The following CACNA1B variants were observed in gnomAD, a reference collection of about 807,000 sequenced individuals.
CACNA1B encodes voltage-dependent N-type calcium channel subunit alpha-1B.
A neutral mutation model predicts 247.2 loss-of-function variants in CACNA1B; 70 were observed. The ratio of observed to expected loss-of-function variants is 0.28; its 90% CI spans 0.23 to 0.35. The LOEUF (loss-of-function observed/expected upper bound fraction) is 0.35, where lower values mean the gene tolerates loss of function less well. CACNA1B is among the 10% of genes least tolerant of loss of function. The probability of loss-of-function intolerance (pLI) is 1.00; values close to 1 mark genes in which losing one functional copy is unlikely to be tolerated. For missense variants in CACNA1B, 2,367 were observed against 3,197.4 expected, an observed-to-expected ratio of 0.74 and a Z score of 6.26; for synonymous variants, 1,231 against 1,294.4, an observed-to-expected ratio of 0.95 and a Z score of 1.05.
intron 6 of CACNA1B, among the ~76,000 whole-genome samples, chr9:137,922,452 A>T (rs1421799498): frequency 6.6e-6 from 1 of 152,090 alleles, no homozygotes; most frequent in Non-Finnish European, 1.5e-5. Flanking sequence ...GCTGGGCCAG[A>T]TGTTGCTGGA....
rs1221280208 is a variant in CACNA1B at position 138,057,831 on chromosome 9, G to C, written c.4068G>C (p.Leu1356=). 14 of 1,610,288 alleles carry C rather than the reference G, an allele frequency of 8.7e-6. No individual in the cohort carries two copies. In the South Asian group the frequency reaches 1.4e-4, roughly 16 times the overall value. The change falls in exon 27 of 47, where the codon CTG becomes CTC. Residue 1356 remains leucine (L), a synonymous_variant. Transcript: ENST00000371372. The surrounding 1 kb of genome is among the most constrained non-coding windows in gnomAD (Gnocchi z 4.0). ...FHYDNVLWAL[L]TLFTVSTGEG... ...ACGACAATGTGCTCTGGGCTCTGCT[G>C]ACGCTGTTCACAGTGTCCACGGGAG... is the stretch of plus-strand genomic sequence containing the variant.
At chr9:138,117,843 G>T in intron 42 of CACNA1B, 103 bp from the exon 43 acceptor site, 1 of 900,488 alleles carries the variant, frequency 1.1e-6, no homozygotes, top group East Asian at 2.9e-5. Flanking sequence ...CCTGACCTCT[G>T]CTGCATGTGT....
intron 6 of CACNA1B, among the ~76,000 whole-genome samples, chr9:137,939,064 T>C (rs1269981713): frequency 6.6e-6 from 1 of 152,004 alleles, no homozygotes; most frequent in African/African-American, 2.4e-5. Flanking sequence ...AGCGAGATTC[T>C]GTCCTAAAAG....
intron 36 of CACNA1B, among the ~76,000 whole-genome samples, chr9:138,090,736 C>CAAAAAAAAAAAAAAAAAAA (rs1960850690): frequency 1.3e-4 from 6 of 46,248 alleles, no homozygotes; most frequent in South Asian, 8.1e-4. Flanking sequence ...AAAAAAAAAT[C>CAAAAAAAAAAAAAAAAAAA]AGATTAATAA....
At chr9:137,979,339 C>T (rs571472881) in intron 12 of CACNA1B, among the ~76,000 whole-genome samples, 36 of 152,264 alleles carry the variant, frequency 2.4e-4, no homozygotes, top group Middle Eastern at 6.8e-3. Context: ...GCTGGAACGC[C>T]GAGTTCCTGG....
At chr9:137,904,837 T>C (rs1204425869) in intron 3 of CACNA1B, among the ~76,000 whole-genome samples, 1 of 152,188 alleles carries the variant, frequency 6.6e-6, no homozygotes, top group Non-Finnish European at 1.5e-5. Flanking sequence ...TTCCTATTCA[T>C]GTCCTACTAT....
chr9:138,015,522 G>T (rs1439092793), intron 18 of CACNA1B, among the ~76,000 whole-genome samples: 1 of 146,818 alleles, frequency 6.8e-6, no homozygotes, highest in Non-Finnish European at 1.5e-5. Context: ...CCAGCACCTT[G>T]AGCTGCTGGG....
rs1182903093 is a variant in CACNA1B, at chr9:138,102,424, G to A, written c.5223-287G>A. Reference sequence around the variant, plus strand: ...ATGCAGCCCTTCCTCACCCCTCCATGTTCATTAGCTCAGACGCCACCCCCG... The same window carrying A: ...ATGCAGCCCTTCCTCACCCCTCCATATTCATTAGCTCAGACGCCACCCCCG... On this transcript the variant is annotated intron_variant, in intron 37 of 46. Transcript: ENST00000371372. The surrounding 1 kb of genome is among the most constrained non-coding windows in gnomAD (Gnocchi z 5.4). 6.6e-6 allele frequency among the ~76,000 whole-genome samples: 1 copy of A among 152,118 alleles called. No homozygotes were observed. Among genetic ancestry groups the A allele is most frequent in the Non-Finnish European group, 1.5e-5 (1 of 68,004 alleles).
intron 39 of CACNA1B, among the ~76,000 whole-genome samples, chr9:138,107,742 T>C (rs1362292669): frequency 6.6e-6 from 1 of 152,100 alleles, no homozygotes; most frequent in East Asian, 1.9e-4. Flanking sequence ...CCTAGCACTT[T>C]GGGAGGCCAA....
chr9:137,911,556 C>T (rs1323607505), intron 3 of CACNA1B, among the ~76,000 whole-genome samples: 6 of 152,220 alleles, frequency 3.9e-5, no homozygotes, highest in Non-Finnish European at 8.8e-5. Context: ...GCTGGAATTA[C>T]AGGCATGCGC....
At chr9:138,074,484 A>C (rs915810861) in intron 34 of CACNA1B, among the ~76,000 whole-genome samples, 14 of 152,100 alleles carry the variant, frequency 9.2e-5, no homozygotes, top group African/African-American at 3.1e-4. Flanking sequence ...CAAGTGATCC[A>C]CCTGCCTTGG....
chr9:138,088,539 A>G (rs566716072), intron 36 of CACNA1B, among the ~76,000 whole-genome samples: 1 of 152,304 alleles, frequency 6.6e-6, no homozygotes, highest in African/African-American at 2.4e-5. Flanking sequence ...ACACCAACAC[A>G]TTAGAAAACC....
Position 138,061,149 on chromosome 9 carries a change from T to C in CACNA1B, c.4668+1412T>C, listed in dbSNP as rs1959708391. On this transcript the variant is annotated intron_variant, in intron 31 of 46. Coordinates refer to ENST00000371372, the MANE Select transcript of CACNA1B (RefSeq NM_000718.4). ...GTGAAGCCCCTGATTCCCAGAATTA[T>C]GCAGTGGCAGCTCTGCCCTTCACAG... 2.6e-5 allele frequency among the ~76,000 whole-genome samples: 4 copies of C among 152,252 alleles called. No individual in the cohort carries two copies. The South Asian group carries it at 8.3e-4, about 32-fold the overall frequency.
rs181320205 is a variant in CACNA1B at position 137,919,339 on chromosome 9, C to T, written c.966+1908C>T. Among the ~76,000 whole-genome samples, 6 of 152,326 alleles carry T rather than the reference C, an allele frequency of 3.9e-5. No homozygotes were observed. In the East Asian group the frequency reaches 5.8e-4, roughly 15 times the overall value. ...GAAGAGGTTGAGGAGCAGGCAGTGA[C>T]GAGGTACAGGGTACTGGGAGGGCAA... On this transcript the variant is annotated intron_variant, in intron 6 of 46. Transcript: ENST00000371372. The surrounding 1 kb of genome is among the most constrained non-coding windows in gnomAD (Gnocchi z 4.6).
chr9:137,893,643 T>C (rs528447496), intron 3 of CACNA1B, among the ~76,000 whole-genome samples: 1 of 150,454 alleles, frequency 6.6e-6, no homozygotes, highest in Non-Finnish European at 1.5e-5. Flanking sequence ...AGAGTGAGAC[T>C]CTGTCTCAAA....
intron 39 of CACNA1B, among the ~76,000 whole-genome samples, chr9:138,110,044 A>C (rs955773573): frequency 1.3e-5 from 2 of 152,072 alleles, no homozygotes; most frequent in Non-Finnish European, 2.9e-5. Flanking sequence ...ACAGACCGAG[A>C]TTCCATCTCA....
At position 137,894,041 on chromosome 9, in the gene CACNA1B, C is replaced by T. The variant is rs56208208; in HGVS notation, c.530+11158C>T. Among the ~76,000 whole-genome samples the T allele has an allele frequency of 4.8e-3, 732 of 152,272 alleles. 9 individuals are homozygous for T. Among genetic ancestry groups the T allele is most frequent in the African/African-American group, 0.016 (672 of 41,544 alleles). ...ATACCTTTGGATTTGCCTTTTTCAC[C>T]CATTTGCTTCATGAAATACTATGAA... On this transcript the variant is annotated intron_variant, in intron 3 of 46. Coordinates refer to ENST00000371372, the MANE Select transcript of CACNA1B (RefSeq NM_000718.4).
intron 13 of CACNA1B, among the ~76,000 whole-genome samples, chr9:137,985,105 G>T (rs543333017): frequency 6.6e-6 from 1 of 152,212 alleles, no homozygotes; most frequent in Non-Finnish European, 1.5e-5. Flanking sequence ...CACTGAGCCC[G>T]TGCAGTGCCA....
At position 138,122,145 on chromosome 9, in the gene CACNA1B, CCT is replaced by C. The variant is rs1962125520; in HGVS notation, c.*149_*150del. 18 of 665,640 alleles carry C rather than the reference CCT, an allele frequency of 2.7e-5. No individual in the cohort carries two copies. Among genetic ancestry groups the C allele is most frequent in the Non-Finnish European group, 3.8e-5 (15 of 396,012 alleles). 41.2% of individuals were successfully genotyped at this position (665,640 alleles called of 1,614,324 possible). A position where few individuals can be genotyped will look rare whatever the true frequency, so the allele number is the denominator to read the frequency against. ...TGTGGCCCCTCCCTCCCCCTCCTCC[CCT>C]CTTTTACTCTAGACGACGAATAAAG... On this transcript the variant is annotated 3_prime_UTR_variant, in exon 47 of 47. Coordinates refer to ENST00000371372, the MANE Select transcript of CACNA1B (RefSeq NM_000718.4).
Sources: gnomAD v4.1 joint callset for allele counts (sites outside exome capture counted in the v4.1 genomes callset) on GRCh38, gnomAD v4.1.1 for gene constraint, Gnocchi (gnomAD v3.1) non-coding constraint, MANE v1.5 for transcripts, NCBI Gene and HGNC (gene_info 2026-07-23, HGNC 2026-07-21) for gene names.